CLEC10A: variants seen among roughly 807,000 people sequenced by gnomAD.
CLEC10A encodes the protein C-type lectin domain containing 10A.
A neutral mutation model predicts 42.0 loss-of-function variants in CLEC10A; 38 were observed. That is an observed-to-expected ratio of 0.90 (90% confidence interval 0.70 to 1.18). CLEC10A has a LOEUF of 1.18. Ranked by LOEUF, CLEC10A falls within the 50% of genes most tolerant of loss-of-function variation. The pLI, the probability that CLEC10A is intolerant of heterozygous loss-of-function variation, is 0.00. For synonymous variants in CLEC10A, 126 were observed against 139.9 expected (o/e 0.90, Z 0.70); for missense variants, 298 against 345.9 (o/e 0.86, Z 1.10).
intron 5 of CLEC10A, 54 bp from the exon 6 acceptor site, chr17:7,076,125 G>T (rs376732406): frequency 6.2e-7 from 1 of 1,613,968 alleles, no homozygotes; most frequent in Non-Finnish European, 8.5e-7. Context: ...TGCCTTCTGC[G>T]TAGTGTGTTC....
At chr17:7,078,143 A>G in intron 2 of CLEC10A, 30 bp from the exon 3 acceptor site, 1 of 1,543,080 alleles carries the variant, frequency 6.5e-7, no homozygotes, top group Non-Finnish European at 8.9e-7. Flanking sequence ...CAGGATGAGG[A>G]GGGTCCAGAC....
chr17:7,076,996 G>A lies in CLEC10A; in HGVS notation c.185-9C>T. On this transcript the variant is annotated splice_polypyrimidine_tract_variant and intron_variant, in intron 3 of 8. Transcript: ENST00000416562. ...CCTCTGAAATTTGGAATCTAAACAG[G>A]TGGATGGGAAGGTCAGTGCTGGGAT... 2 of 1,596,758 alleles carry A rather than the reference G, an allele frequency of 1.3e-6. No homozygotes were observed. Among genetic ancestry groups the A allele is most frequent in the Non-Finnish European group, 1.7e-6 (2 of 1,164,428 alleles).
rs556438794 is a variant in CLEC10A at position 7,075,327 on chromosome 17, G to A, written c.701+33C>T. On this transcript the variant is annotated intron_variant, in intron 8 of 8. Coordinates refer to ENST00000416562, the MANE Select transcript of CLEC10A (RefSeq NM_001330070.2). ...GATCCCTGGGGGAAACGCTGACGGA[G>A]GACATTGGCACAGAAAGCCAGGGTG... 2.0e-6 allele frequency: 3 copies of A among 1,508,124 alleles called. No individual in the cohort carries two copies. The South Asian group carries it at 4.1e-5, about 21-fold the overall frequency. 93.4% of individuals were successfully genotyped at this position (1,508,124 alleles called of 1,614,324 possible).
intron 2 of CLEC10A, 125 bp from the exon 3 acceptor site, chr17:7,078,238 AGG>A: frequency 1.5e-6 from 1 of 672,942 alleles, no homozygotes; most frequent in South Asian, 1.9e-5. Context: ...GGGTTGGACA[AGG>A]AGGATTTTGG....
rs1911956782 is a variant in CLEC10A, at chr17:7,078,036, G to C, written c.145C>G (p.Leu49Val). The change falls in exon 3 of 9, where the codon CTC becomes GTC. Residue 49 changes from leucine to valine, a missense_variant. Transcript: ENST00000416562. Reference sequence around the variant, plus strand: ...ACACAGATGATGACCAGCAGCAGGAGGCCGAGGCCCAGGGACAGCAGGAGA... The same window carrying C: ...ACACAGATGATGACCAGCAGCAGGACGCCGAGGCCCAGGGACAGCAGGAGA... ...CHLLLSLGLGLLLLVIICVVG... is the reference protein window; with the variant it reads ...CHLLLSLGLGVLLLVIICVVG... 6.2e-7 allele frequency: 1 copy of C among 1,613,900 alleles called. No individual in the cohort carries two copies. The highest frequency in any genetic ancestry group is 8.5e-7 in the Non-Finnish European group (1 of 1,179,904).
chr17:7,075,113 T>C lies in CLEC10A; in HGVS notation c.811A>G (p.Arg271Gly), dbSNP rs1268992739. The change falls in exon 9 of 9, where the codon AGG becomes GGG. Residue 271 changes from arginine (R) to glycine (G), a missense_variant. By Grantham distance (125) the Arg-to-Gly change is moderately radical. Transcript: ENST00000416562. ...DGRWNDDVCQ[R>G]PYHWVCEAGL... is the part of the protein sequence containing the mutation. ...GCCTCGCAGACCCAGTGGTAGGGCCTCTGGCAGACGTCGTCATTCCACCTG... is the reference window on the plus strand; with the variant it reads ...GCCTCGCAGACCCAGTGGTAGGGCCCCTGGCAGACGTCGTCATTCCACCTG... The C allele has an allele frequency of 3.7e-6, 6 of 1,608,320 alleles. No individual in the cohort carries two copies.
At chr17:7,079,018 T>C (rs544059409) in intron 1 of CLEC10A, 133 bp from the exon 2 acceptor site, 23 of 601,718 alleles carry the variant, frequency 3.8e-5, no homozygotes, top group African/African-American at 1.7e-4. Context: ...CGAGTTAGAA[T>C]TGGGGTCGAG....
chr17:7,077,491 A>ACCATTCCCAACAATCACTCCATCAGTGT (rs1911865820), intron 3 of CLEC10A, among the ~76,000 whole-genome samples: 1 of 20,958 alleles, frequency 4.8e-5, no homozygotes, highest in African/African-American at 2.6e-4. Context: ...TCCATCAGTG[A>ACCATTCCCAACAATCACTCCATCAGTGT]CCCCCACCAC....
In CLEC10A at chr17:7,075,198, G is replaced by C; in HGVS notation, c.726C>G (p.Asp242Glu). 6.4e-7 allele frequency: 1 copy of C among 1,557,136 alleles called. No homozygotes were observed. Among genetic ancestry groups the C allele is most frequent in the South Asian group, 1.2e-5 (1 of 82,596 alleles). ...GFQNWKPGQPDDWQGHGLGGG... is the reference protein window; with the variant it reads ...GFQNWKPGQPEDWQGHGLGGG... Reference sequence around the variant, plus strand: ...CACCCAGCCCGTGCCCCTGCCAGTCGTCTGGCTGGCCTGGCTTCCAGTTCC... The same window carrying C: ...CACCCAGCCCGTGCCCCTGCCAGTCCTCTGGCTGGCCTGGCTTCCAGTTCC... Residue 242 changes from aspartate (D) to glutamate (E), a missense_variant, in exon 9 of 9, where the codon GAC becomes GAG. Physicochemically the swap from Asp to Glu is conservative, Grantham distance 45. This residue lies in a region of CLEC10A where 267 missense variants were observed against 289.5 expected (regional missense o/e 0.92). Coordinates refer to ENST00000416562, the MANE Select transcript of CLEC10A (RefSeq NM_001330070.2).
chr17:7,076,063 C>T lies in CLEC10A; in HGVS notation c.361G>A (p.Glu121Lys). The change falls in exon 6 of 9, where the codon GAA (glutamate) becomes AAA (lysine). Residue 121 changes from glutamate to lysine, a missense_variant. This residue lies in a region of CLEC10A where 267 missense variants were observed against 289.5 expected (regional missense o/e 0.92). Coordinates refer to ENST00000416562, the MANE Select transcript of CLEC10A (RefSeq NM_001330070.2). Reference sequence around the variant, plus strand: ...AGCTGCTGGACTCGCAGGAGCATTTCAGAATGAACTGGGACACACACAGAT... The same window carrying T: ...AGCTGCTGGACTCGCAGGAGCATTTTAGAATGAACTGGGACACACACAGAT... ...FKQERQAVHS[E>K]MLLRVQQLVQ... 6.2e-7 allele frequency: 1 copy of T among 1,614,184 alleles called. No individual in the cohort carries two copies. Among genetic ancestry groups the T allele is most frequent in the Non-Finnish European group, 8.5e-7 (1 of 1,180,038 alleles).
Position 7,075,398 on chromosome 17 carries a change from C to T in CLEC10A, c.663G>A (p.Trp221Ter). Reference protein sequence around the residue: ...WMGLSDPEGAWKWVDGTDYAT... With the variant: ...WMGLSDPEGA Reference sequence around the variant, plus strand: ...CATAGTCTGTTCCATCCACCCACTTCCAGGCTCCTTCAGGGTCACTGAGGC... The same window carrying T: ...CATAGTCTGTTCCATCCACCCACTTTCAGGCTCCTTCAGGGTCACTGAGGC... Residue 221 changes from tryptophan (W) to a stop codon, truncating the protein, a stop_gained, in exon 8 of 9, where the codon TGG (tryptophan) becomes TGA (stop). Coordinates refer to ENST00000416562, the MANE Select transcript of CLEC10A (RefSeq NM_001330070.2). LOFTEE classifies it high-confidence loss of function. 1 of 1,521,074 alleles carries T rather than the reference C, an allele frequency of 6.6e-7. No individual in the cohort carries two copies. Among genetic ancestry groups the T allele is most frequent in the Non-Finnish European group, 8.8e-7 (1 of 1,137,560 alleles). 94.2% of individuals were successfully genotyped at this position (1,521,074 alleles called of 1,614,324 possible).
At position 7,080,128 on chromosome 17, in the gene CLEC10A, G is replaced by A. The variant is rs1239221841; in HGVS notation, c.-150C>T. 6.6e-6 allele frequency: 1 copy of A among 152,360 alleles called. No individual in the cohort carries two copies. The highest frequency in any genetic ancestry group is 6.5e-5 in the Admixed American group (1 of 15,280). The allele number at this position is 152,360 out of a possible 1,614,324, so 9.4% of individuals were successfully genotyped here. On this transcript the variant is annotated 5_prime_UTR_variant, in exon 1 of 9. Coordinates refer to ENST00000416562, the MANE Select transcript of CLEC10A (RefSeq NM_001330070.2). ...CAGAGGTGGGACGTCACTCAGAGTT[G>A]GGAGCGCTGTGTCCTGGAGAGCTGG...
rs184996278 is a variant in CLEC10A at position 7,076,518 on chromosome 17, C to T, written c.352+215G>A. Among the ~76,000 whole-genome samples the T allele has an allele frequency of 6.6e-5, 10 of 151,592 alleles. No individual in the cohort carries two copies. The East Asian group carries it at 1.2e-3, about 18-fold the overall frequency. ...TAGTAGAGACGGGGTTTCACCATGT[C>T]GATCAGGCTGCTCTCGAACTCCTGA... On this transcript the variant is annotated intron_variant, in intron 5 of 8. Coordinates refer to ENST00000416562, the MANE Select transcript of CLEC10A (RefSeq NM_001330070.2).
intron 1 of CLEC10A, 37 bp from the exon 2 acceptor site, chr17:7,078,922 G>T (rs1049019758): frequency 2.1e-6 from 2 of 959,884 alleles, no homozygotes; most frequent in Admixed American, 1.7e-5. Flanking sequence ...TTGGAGCCAA[G>T]GGCAGGGCTG....
chr17:7,078,100 G>A lies in CLEC10A; in HGVS notation c.81C>T (p.Leu27=). 1 of 1,613,130 alleles carries A rather than the reference G, an allele frequency of 6.2e-7. No homozygotes were observed. Among genetic ancestry groups the A allele is most frequent in the Non-Finnish European group, 8.5e-7 (1 of 1,179,322 alleles). Residue 27 remains leucine, a synonymous_variant, in exon 3 of 9, where the codon CTC becomes CTT. Transcript: ENST00000416562. ...VQGFKNGPLP[L]QSLLQRLCSG... is the part of the protein sequence containing the mutation. ...AGCAGAGACGCTGCAGGAGGGACTG[G>A]AGAGGAAGTGGCCCTGCAAGAGGAG...
chr17:7,079,165 A>G (rs1912037149), intron 1 of CLEC10A, among the ~76,000 whole-genome samples: 1 of 152,160 alleles, frequency 6.6e-6, no homozygotes, highest in Non-Finnish European at 1.5e-5. Flanking sequence ...CGTTGGAGCC[A>G]TGGATGGAAT....
intron 3 of CLEC10A, among the ~76,000 whole-genome samples, chr17:7,077,386 GCCCCCCACTAT>G (rs1911847013): frequency 5.8e-5 from 7 of 121,152 alleles, no homozygotes; most frequent in Non-Finnish European, 8.4e-5. Flanking sequence ...CTCCATCAGT[GCCCCCCACTAT>G]TCCCATCAGT....
intron 3 of CLEC10A, 21 bp downstream of exon 3, chr17:7,077,976 G>A (rs751284724): frequency 1.3e-6 from 2 of 1,549,814 alleles, no homozygotes; most frequent in Non-Finnish European, 8.9e-7. Context: ...TCTCTTCCCT[G>A]TCCACCCCTG....
At chr17:7,078,705 A>G (rs761233005) in intron 2 of CLEC10A, 41 bp downstream of exon 2, 5 of 1,579,352 alleles carry the variant, frequency 3.2e-6, no homozygotes, top group African/African-American at 1.3e-5. Flanking sequence ...TTCTAAACAT[A>G]TAAAGAGGGC....
Sources: allele counts gnomAD v4.1 joint callset (sites outside exome capture counted in the v4.1 genomes callset), GRCh38; gene constraint gnomAD v4.1.1; regional missense constraint gnomAD v4.1.1; transcripts MANE v1.5; gene names NCBI Gene and HGNC (gene_info 2026-07-23, HGNC 2026-07-21).